The following LRRC3B variants were observed in gnomAD, a reference collection of about 807,000 sequenced individuals.
LRRC3B encodes the protein leucine rich repeat containing 3B, also known as leucine-rich repeat-containing protein 3B.
LRRC3B carries 2 observed loss-of-function variants against 12.8 expected under a neutral mutation model. That is an observed-to-expected ratio of 0.16 (90% CI 0.06 to 0.49). The LOEUF (loss-of-function observed/expected upper bound fraction) is 0.49. Among genes scored for constraint, LRRC3B ranks in the 20% least tolerant of loss-of-function variants. The pLI, the probability that LRRC3B is intolerant of heterozygous loss-of-function variation, is 0.96. For synonymous variants in LRRC3B, 132 were observed against 122.0 expected (o/e 1.08, Z -0.54); for missense variants, 189 against 319.4 (o/e 0.59, Z 3.11).
intron 1 of LRRC3B, among the ~76,000 whole-genome samples, chr3:26,708,209 T>C (rs12054097): frequency 6.6e-6 from 1 of 152,090 alleles, no homozygotes; most frequent in Non-Finnish European, 1.5e-5. Context: ...GCTCTTCTTG[T>C]TTCTTAGATC....
exon 2 of LRRC3B, chr3:26,709,936 T>A: frequency 1.9e-6 from 3 of 1,614,138 alleles, no homozygotes; most frequent in Non-Finnish European, 2.5e-6. Flanking sequence ...AGGACCTCCA[T>A]CAACTGAGAG....
intron 1 of LRRC3B, among the ~76,000 whole-genome samples, chr3:26,689,592 G>C (rs1455712189): frequency 6.6e-6 from 1 of 152,106 alleles, no homozygotes. Context: ...AGGAGGAGCC[G>C]GTAATTAGTG....
At chr3:26,667,553 C>A (rs1193071047) in intron 1 of LRRC3B, among the ~76,000 whole-genome samples, 1 of 152,154 alleles carries the variant, frequency 6.6e-6, no homozygotes, top group African/African-American at 2.4e-5. Context: ...AAGTATGGCC[C>A]CCACCCAGTC....
chr3:26,699,629 C>G (rs1426408767), intron 1 of LRRC3B, among the ~76,000 whole-genome samples: 2 of 152,150 alleles, frequency 1.3e-5, no homozygotes, highest in Non-Finnish European at 2.9e-5. Context: ...AGAAGTACAA[C>G]TGAATTCACC....
chr3:26,705,247 G>A (rs530676008), intron 1 of LRRC3B, among the ~76,000 whole-genome samples: 3 of 152,200 alleles, frequency 2.0e-5, no homozygotes, highest in Admixed American at 6.5e-5. Context: ...CTGCTGATGC[G>A]CAGTAACCTG....
chr3:26,667,973 T>C (rs932447535), intron 1 of LRRC3B, among the ~76,000 whole-genome samples: 1 of 152,020 alleles, frequency 6.6e-6, no homozygotes. Context: ...GCACCATCAG[T>C]ATTGAATTTT....
intron 1 of LRRC3B, among the ~76,000 whole-genome samples, chr3:26,655,597 C>T (rs1312782362): frequency 6.6e-6 from 1 of 152,188 alleles, no homozygotes; most frequent in East Asian, 1.9e-4. Flanking sequence ...GTCCTGTTTT[C>T]ATTAACAATA....
At chr3:26,670,221 G>T (rs560111336) in intron 1 of LRRC3B, among the ~76,000 whole-genome samples, 1 of 152,308 alleles carries the variant, frequency 6.6e-6, no homozygotes, top group East Asian at 1.9e-4. Context: ...GTTTCAAAGA[G>T]AAGTCATTTC....
At chr3:26,696,991 G>A (rs2125454935) in intron 1 of LRRC3B, among the ~76,000 whole-genome samples, 1 of 152,224 alleles carries the variant, frequency 6.6e-6, no homozygotes, top group South Asian at 2.1e-4. Context: ...GTAATCTGAT[G>A]TTTTTGTTTT....
intron 1 of LRRC3B, among the ~76,000 whole-genome samples, chr3:26,632,044 G>A (rs1960746): frequency 0.83 from 125,855 of 152,220 alleles, 52,541 homozygotes; most frequent in East Asian, 0.99. Context: ...TGGACACTCT[G>A]CAGTCCTGAG....
rs139527145 is a variant in LRRC3B at position 26,695,525 on chromosome 3, TCAAACAAA to T, written c.-160-13975_-160-13968del. Among the ~76,000 whole-genome samples, 421 of 151,472 alleles carry T rather than the reference TCAAACAAA, an allele frequency of 2.8e-3. 2 individuals carry two copies. The highest frequency in any genetic ancestry group is 8.4e-3 in the African/African-American group (346 of 41,134). On this transcript the variant is annotated intron_variant, in intron 1 of 1. Coordinates refer to ENST00000396641, the Ensembl canonical transcript of LRRC3B. ...CTGGGCGACAGAGCCAGACAACATC[TCAAACAAA>T]CAAACAAACAAAAAAACTTCTTGAT...
chr3:26,682,149 C>T (rs1050912528), intron 1 of LRRC3B, among the ~76,000 whole-genome samples: 1 of 152,056 alleles, frequency 6.6e-6, no homozygotes, highest in Non-Finnish European at 1.5e-5. Flanking sequence ...CAGGGGTAAC[C>T]GAAACCATGG....
At chr3:26,683,816 A>T (rs972603276) in intron 1 of LRRC3B, among the ~76,000 whole-genome samples, 2 of 152,172 alleles carry the variant, frequency 1.3e-5, no homozygotes, top group Non-Finnish European at 2.9e-5. Flanking sequence ...TAGGATGCAC[A>T]CTTTTCCTGA....
chr3:26,699,334 C>T (rs182613244), intron 1 of LRRC3B, among the ~76,000 whole-genome samples: 1 of 152,222 alleles, frequency 6.6e-6, no homozygotes, highest in African/African-American at 2.4e-5. Context: ...ACATTTCACA[C>T]ATATTTTATT....
intron 1 of LRRC3B, among the ~76,000 whole-genome samples, chr3:26,705,025 A>G (rs1225975078): frequency 6.6e-6 from 1 of 152,198 alleles, no homozygotes; most frequent in Non-Finnish European, 1.5e-5. Context: ...TGGTACGCTC[A>G]CTTATCTCAG....
chr3:26,661,017 T>A (rs1384835812), intron 1 of LRRC3B, among the ~76,000 whole-genome samples: 1 of 152,200 alleles, frequency 6.6e-6, no homozygotes, highest in Non-Finnish European at 1.5e-5. Flanking sequence ...GTGATCATAA[T>A]AGCTTCAAAA....
At chr3:26,699,297 T>G (rs73150441) in intron 1 of LRRC3B, among the ~76,000 whole-genome samples, 121 of 152,316 alleles carry the variant, frequency 7.9e-4, no homozygotes, top group African/African-American at 2.8e-3. Flanking sequence ...TAATCATCTT[T>G]GAATGGTCAT....
chr3:26,648,600 T>G (rs1291111079), intron 1 of LRRC3B, among the ~76,000 whole-genome samples: 1 of 152,182 alleles, frequency 6.6e-6, no homozygotes, highest in African/African-American at 2.4e-5. Flanking sequence ...GTGTTTCTCC[T>G]GTCCCCTCCC....
intron 1 of LRRC3B, among the ~76,000 whole-genome samples, chr3:26,675,429 G>A (rs1439812717): frequency 1.3e-5 from 2 of 152,182 alleles, no homozygotes; most frequent in African/African-American, 2.4e-5. Context: ...TGTCTTCCTG[G>A]TGCTCCAGAG....
Sources: allele counts gnomAD v4.1 joint callset (sites outside exome capture counted in the v4.1 genomes callset), GRCh38; gene constraint gnomAD v4.1.1; transcripts MANE v1.5; gene names NCBI Gene and HGNC (gene_info 2026-07-23, HGNC 2026-07-21).